Variants in PPP3CA observed in about 807,000 individuals in gnomAD.
The protein encoded by PPP3CA is protein phosphatase 3 catalytic subunit alpha.
In PPP3CA, 14 loss-of-function variants were observed where a neutral mutation model predicts 66.5. The ratio of observed to expected loss-of-function variants is 0.21; its 90% CI spans 0.14 to 0.33. The LOEUF (loss-of-function observed/expected upper bound fraction) is 0.33, where lower values mean the gene tolerates loss of function less well. Ranked by LOEUF, PPP3CA falls within the 10% of genes least tolerant of loss-of-function variation. The pLI is 1.00. For missense variants in PPP3CA, 317 were observed against 639.5 expected (o/e 0.50, Z 5.44); for synonymous variants, 232 against 226.2 (o/e 1.03, Z -0.23).
At chr4:101,028,224 G>T (rs1475495272) in intron 13 of PPP3CA, among the ~76,000 whole-genome samples, 2 of 152,090 alleles carry the variant, frequency 1.3e-5, no homozygotes, top group Non-Finnish European at 2.9e-5. Context: ...TACAACTGAA[G>T]AATTTTGTTT....
chr4:101,282,228 T>C (rs28491829), intron 1 of PPP3CA, among the ~76,000 whole-genome samples: 26 of 152,134 alleles, frequency 1.7e-4, no homozygotes, highest in Admixed American at 5.2e-4. Context: ...TGATAACCAC[T>C]TCACACCTAC....
chr4:101,291,018 G>A (rs752329575), intron 1 of PPP3CA, among the ~76,000 whole-genome samples: 5 of 152,170 alleles, frequency 3.3e-5, no homozygotes, highest in African/African-American at 4.8e-5. Flanking sequence ...CGAAGCCATC[G>A]TAAGTAGGAA....
chr4:101,171,447 G>C (rs1180866008), intron 2 of PPP3CA, among the ~76,000 whole-genome samples: 1 of 151,868 alleles, frequency 6.6e-6, no homozygotes, highest in Non-Finnish European at 1.5e-5. Flanking sequence ...CATGACAATA[G>C]TAATAAAAAT....
At chr4:101,309,130 AC>A (rs1372622916) in intron 1 of PPP3CA, among the ~76,000 whole-genome samples, 2 of 152,118 alleles carry the variant, frequency 1.3e-5, no homozygotes, top group Non-Finnish European at 2.9e-5. Context: ...TGTCTCAAAA[AC>A]AATAATAATA....
chr4:101,219,327 T>C (rs749301963), intron 1 of PPP3CA, among the ~76,000 whole-genome samples: 8 of 152,000 alleles, frequency 5.3e-5, no homozygotes, highest in Non-Finnish European at 8.8e-5. Context: ...TAATGAACAT[T>C]GCAGATACAC....
At chr4:101,283,357 T>C (rs1727744649) in intron 1 of PPP3CA, among the ~76,000 whole-genome samples, 1 of 152,218 alleles carries the variant, frequency 6.6e-6, no homozygotes, top group South Asian at 2.1e-4. Flanking sequence ...GCATGGCTCA[T>C]ATTGTTGCTT....
At chr4:101,317,304 AAATTTCTCC>A (rs767865135) in intron 1 of PPP3CA, among the ~76,000 whole-genome samples, 9 of 150,188 alleles carry the variant, frequency 6.0e-5, no homozygotes, top group Non-Finnish European at 1.0e-4. Flanking sequence ...ACACTGCCCT[AAATTTCTCC>A]AATAGTAAAG....
chr4:101,282,140 C>A (rs1045968357), intron 1 of PPP3CA, among the ~76,000 whole-genome samples: 3 of 152,104 alleles, frequency 2.0e-5, no homozygotes, highest in Non-Finnish European at 4.4e-5. Flanking sequence ...TTAGATAATC[C>A]ACTACCAAAA....
At chr4:101,274,259 G>A (rs78009918) in intron 1 of PPP3CA, among the ~76,000 whole-genome samples, 3,100 of 152,280 alleles carry the variant, frequency 0.02, 48 homozygotes, top group Non-Finnish European at 0.032. Flanking sequence ...AGCTGAGATT[G>A]CAAGATTGCG....
chr4:101,260,022 A>G (rs1338863541), intron 1 of PPP3CA, among the ~76,000 whole-genome samples: 1 of 152,168 alleles, frequency 6.6e-6, no homozygotes, highest in Non-Finnish European at 1.5e-5. Flanking sequence ...TGCTGTCTTC[A>G]GCCTCATCCA....
At chr4:101,136,310 G>A (rs1391438368) in intron 2 of PPP3CA, among the ~76,000 whole-genome samples, 3 of 152,122 alleles carry the variant, frequency 2.0e-5, no homozygotes, top group Non-Finnish European at 2.9e-5. Context: ...GGAGGCTGAG[G>A]TGGGTAGATC....
chr4:101,121,003 G>T (rs566249131), intron 2 of PPP3CA, among the ~76,000 whole-genome samples: 5 of 152,134 alleles, frequency 3.3e-5, no homozygotes, highest in African/African-American at 9.6e-5. Flanking sequence ...GGTATATATG[G>T]CATATAAACT....
intron 12 of PPP3CA, among the ~76,000 whole-genome samples, chr4:101,031,348 A>G (rs907191656): frequency 1.3e-5 from 2 of 152,164 alleles, no homozygotes; most frequent in Non-Finnish European, 2.9e-5. Flanking sequence ...GCATATTTTC[A>G]TTTTAATTTT....
intron 2 of PPP3CA, among the ~76,000 whole-genome samples, chr4:101,127,288 C>T (rs181702500): frequency 6.6e-6 from 1 of 151,892 alleles, no homozygotes; most frequent in Non-Finnish European, 1.5e-5. Context: ...CTCTACCCCC[C>T]ACCAAAAATA....
At chr4:101,212,454 G>T (rs979555791) in intron 1 of PPP3CA, among the ~76,000 whole-genome samples, 5 of 152,086 alleles carry the variant, frequency 3.3e-5, no homozygotes, top group Non-Finnish European at 5.9e-5. Context: ...ACACATCGGG[G>T]CTTGTCAAGG....
intron 2 of PPP3CA, among the ~76,000 whole-genome samples, chr4:101,188,849 C>G (rs1199507287): frequency 6.6e-6 from 1 of 152,112 alleles, no homozygotes; most frequent in Non-Finnish European, 1.5e-5. Flanking sequence ...TGAAGGCCTT[C>G]TCTCAGGTAA....
intron 8 of PPP3CA, among the ~76,000 whole-genome samples, chr4:101,072,253 C>T (rs1326477694): frequency 6.6e-6 from 1 of 152,170 alleles, no homozygotes. Flanking sequence ...CTCTTCATTT[C>T]AAAAGCTTTC....
chr4:101,307,263 A>G (rs887480031), intron 1 of PPP3CA, among the ~76,000 whole-genome samples: 3 of 151,996 alleles, frequency 2.0e-5, no homozygotes, highest in African/African-American at 7.2e-5. Context: ...AGGGTAAGAT[A>G]TGTTTGCCCT....
chr4:101,316,845 C>T (rs1210168497), intron 1 of PPP3CA, among the ~76,000 whole-genome samples: 1 of 152,140 alleles, frequency 6.6e-6, no homozygotes, highest in Non-Finnish European at 1.5e-5. Context: ...GCTGTGCTTT[C>T]ACTTATAAGT....
Sources: allele counts gnomAD v4.1 joint callset (sites outside exome capture counted in the v4.1 genomes callset), GRCh38; gene constraint gnomAD v4.1.1; transcripts MANE v1.5; gene names NCBI Gene and HGNC (gene_info 2026-07-23, HGNC 2026-07-21).